PPFIA2: variants seen among roughly 807,000 people sequenced by gnomAD.
PPFIA2 encodes PPFI scaffold protein A2, also known as liprin-alpha-2.
A neutral mutation model predicts 175.5 loss-of-function variants in PPFIA2; 46 were observed. The ratio of observed to expected loss-of-function variants is 0.26; its 90% CI spans 0.21 to 0.34. The LOEUF is 0.34. Ranked by LOEUF, PPFIA2 falls within the 10% of genes least tolerant of loss-of-function variation. The probability of loss-of-function intolerance (pLI) is 1.00; values close to 1 mark genes in which losing one functional copy is unlikely to be tolerated. For missense variants in PPFIA2, 1,179 were observed against 1,506.1 expected (o/e 0.78, Z 3.60); for synonymous variants, 568 against 511.4 (o/e 1.11, Z -1.49).
chr12:81,288,237 C>A (rs905694254), intron 24 of PPFIA2, among the ~76,000 whole-genome samples: 2 of 151,708 alleles, frequency 1.3e-5, no homozygotes, highest in African/African-American at 4.8e-5. Flanking sequence ...CATTATGATA[C>A]AACATGTTCT....
chr12:81,588,442 TC>T (rs1208276437), intron 4 of PPFIA2, among the ~76,000 whole-genome samples: 1 of 152,002 alleles, frequency 6.6e-6, no homozygotes, highest in Non-Finnish European at 1.5e-5. Context: ...TTCATCTACT[TC>T]CATGGCTTCC....
chr12:81,323,054 A>G (rs564973653), intron 22 of PPFIA2, among the ~76,000 whole-genome samples: 13 of 152,320 alleles, frequency 8.5e-5, no homozygotes, highest in African/African-American at 3.1e-4. Context: ...TGAACTTTGC[A>G]AAAATTTGGA....
intron 3 of PPFIA2, among the ~76,000 whole-genome samples, chr12:81,733,135 A>G (rs1193570635): frequency 6.6e-6 from 1 of 151,568 alleles, no homozygotes; most frequent in African/African-American, 2.4e-5. Context: ...ATTATGGTTA[A>G]GTTTATGATG....
In PPFIA2 at chr12:81,412,941, G is replaced by A. The variant is rs74876800; in HGVS notation, c.646-7038C>T. On this transcript the variant is annotated intron_variant, in intron 7 of 32. Coordinates refer to ENST00000549396, the MANE Select transcript of PPFIA2 (RefSeq NM_003625.5). ...ACATATAAAAAGTGCCGTCTTGGCT[G>A]TGAGTTTTTATATTCACCTGGGTAA... Among the ~76,000 whole-genome samples, 226 of 151,970 alleles carry A rather than the reference G, an allele frequency of 1.5e-3. 3 individuals carry two copies. In the East Asian group the frequency reaches 0.027, roughly 18 times the overall value.
intron 1 of PPFIA2, 69 bp from the exon 2 acceptor site, chr12:81,758,576 G>A (rs910442685): frequency 2.2e-5 from 8 of 368,566 alleles, no homozygotes; most frequent in Admixed American, 9.4e-5. Flanking sequence ...ACGTGCCCCG[G>A]CCCGGTGGCG....
chr12:81,494,275 T>C (rs2147166120), intron 4 of PPFIA2, among the ~76,000 whole-genome samples: 1 of 151,896 alleles, frequency 6.6e-6, no homozygotes, highest in African/African-American at 2.4e-5. Context: ...CATCAAAAAG[T>C]GGGCAAAGGA....
chr12:81,533,454 C>T (rs1380147019), intron 4 of PPFIA2, among the ~76,000 whole-genome samples: 1 of 151,400 alleles, frequency 6.6e-6, no homozygotes, highest in Non-Finnish European at 1.5e-5. Context: ...CAAATTTATG[C>T]CAAATTAAGT....
At chr12:81,742,525 G>A (rs2082450390) in intron 3 of PPFIA2, among the ~76,000 whole-genome samples, 1 of 152,310 alleles carries the variant, frequency 6.6e-6, no homozygotes, top group East Asian at 1.9e-4. Flanking sequence ...GAAGATTGAT[G>A]TTGCTATTAA....
In PPFIA2 at chr12:81,284,301, A is replaced by G. The variant is rs373375384; in HGVS notation, c.2928T>C (p.Pro976=). ...SPSAPPTSRT[P]SGNVWVTHEE... Reference sequence around the variant, plus strand: ...CATGAGTCACCCAAACGTTGCCTGAAGGCTAGTGAGGAGGCCCAGAGGGAA... The same window carrying G: ...CATGAGTCACCCAAACGTTGCCTGAGGGCTAGTGAGGAGGCCCAGAGGGAA... Residue 976 remains proline (P), a splice_region_variant and synonymous_variant, in exon 25 of 33, where the codon CCT becomes CCC. Coordinates refer to ENST00000549396, the MANE Select transcript of PPFIA2 (RefSeq NM_003625.5). The G allele has an allele frequency of 1.3e-6, 2 of 1,586,406 alleles. No individual in the cohort carries two copies. Among genetic ancestry groups the G allele is most frequent in the African/African-American group, 1.3e-5 (1 of 74,506 alleles).
intron 3 of PPFIA2, among the ~76,000 whole-genome samples, chr12:81,708,644 T>C (rs1239488730): frequency 6.6e-6 from 1 of 152,196 alleles, no homozygotes; most frequent in Non-Finnish European, 1.5e-5. Context: ...TCTGTTAATA[T>C]AAGAGACTCA....
At chr12:81,480,195 C>G (rs938094417) in intron 4 of PPFIA2, among the ~76,000 whole-genome samples, 1 of 151,942 alleles carries the variant, frequency 6.6e-6, no homozygotes, top group African/African-American at 2.4e-5. Flanking sequence ...TCCACTTGAT[C>G]GATTTCACTA....
intron 23 of PPFIA2, among the ~76,000 whole-genome samples, chr12:81,298,706 C>G (rs1211616685): frequency 6.6e-6 from 1 of 152,206 alleles, no homozygotes; most frequent in East Asian, 1.9e-4. Flanking sequence ...TTCAGATATT[C>G]CCTTATTTTT....
chr12:81,606,890 G>A (rs1343686460), intron 4 of PPFIA2, among the ~76,000 whole-genome samples: 2 of 152,078 alleles, frequency 1.3e-5, no homozygotes, highest in South Asian at 4.1e-4. Flanking sequence ...ATTTGCCAAT[G>A]CCGATGTTGA....
chr12:81,423,278 A>G (rs1034839727), intron 7 of PPFIA2, among the ~76,000 whole-genome samples: 1 of 152,154 alleles, frequency 6.6e-6, no homozygotes, highest in Non-Finnish European at 1.5e-5. Context: ...CCCTAATTCC[A>G]AAATCAGAGA....
chr12:81,691,040 C>A (rs2075179155), intron 3 of PPFIA2, among the ~76,000 whole-genome samples: 1 of 152,044 alleles, frequency 6.6e-6, no homozygotes, highest in South Asian at 2.1e-4. Context: ...GTTCTCACAC[C>A]CACAATGTCC....
At chr12:81,692,597 A>C (rs1421737804) in intron 3 of PPFIA2, among the ~76,000 whole-genome samples, 1 of 152,132 alleles carries the variant, frequency 6.6e-6, no homozygotes, top group Non-Finnish European at 1.5e-5. Context: ...AGAAATAAGC[A>C]ATTTTCTTCC....
chr12:81,490,541 T>A (rs1318801741), intron 4 of PPFIA2, among the ~76,000 whole-genome samples: 2 of 151,962 alleles, frequency 1.3e-5, no homozygotes, highest in Non-Finnish European at 2.9e-5. Flanking sequence ...AGAGGTTTGC[T>A]GAAGTTTGTG....
intron 4 of PPFIA2, among the ~76,000 whole-genome samples, chr12:81,548,906 A>C (rs1401810045): frequency 6.6e-6 from 1 of 152,178 alleles, no homozygotes; most frequent in Non-Finnish European, 1.5e-5. Context: ...TAAACAAAGA[A>C]ACTGCAGGTA....
intron 3 of PPFIA2, among the ~76,000 whole-genome samples, chr12:81,678,561 G>A (rs1039455007): frequency 6.6e-6 from 1 of 151,742 alleles, no homozygotes; most frequent in East Asian, 1.9e-4. Flanking sequence ...ATTATTAAAT[G>A]GTCTCCTTTC....
Sources: allele counts gnomAD v4.1 joint callset (sites outside exome capture counted in the v4.1 genomes callset), GRCh38; gene constraint gnomAD v4.1.1; transcripts MANE v1.5; gene names NCBI Gene and HGNC (gene_info 2026-07-23, HGNC 2026-07-21).